SORCS3: variants seen among roughly 807,000 people sequenced by gnomAD.
The protein encoded by SORCS3 is sortilin related VPS10 domain containing receptor 3.
In SORCS3, 57 loss-of-function variants were observed where a neutral mutation model predicts 146.3. The observed-to-expected ratio is 0.39, with a 90% confidence interval of 0.31 to 0.49. The LOEUF is 0.49. Among genes scored for constraint, SORCS3 ranks in the 20% least tolerant of loss-of-function variants. The pLI is 0.92. For synonymous variants in SORCS3, 653 were observed against 618.5 expected, an observed-to-expected ratio of 1.06 and a Z score of -0.83; for missense variants, 1,341 against 1,575.5, an observed-to-expected ratio of 0.85 and a Z score of 2.52.
intron 6 of SORCS3, among the ~76,000 whole-genome samples, chr10:105,104,657 G>C (rs1297195454): frequency 4.6e-5 from 7 of 152,162 alleles, no homozygotes; most frequent in Admixed American, 1.3e-4. Flanking sequence ...CTTGAATTCT[G>C]TCTACTTCCT....
At chr10:105,102,798 T>TC (rs2055794767) in intron 6 of SORCS3, among the ~76,000 whole-genome samples, 2 of 145,026 alleles carry the variant, frequency 1.4e-5, no homozygotes, top group Non-Finnish European at 3.0e-5. Context: ...TTTTTTTTTT[T>TC]TTTTTTTTGT....
chr10:104,725,309 A>G (rs546589160), intron 1 of SORCS3, among the ~76,000 whole-genome samples: 24 of 152,278 alleles, frequency 1.6e-4, no homozygotes, highest in African/African-American at 5.5e-4. Flanking sequence ...TGAATAGCAA[A>G]TGTTGCTGCC....
At chr10:105,151,519 T>G (rs1217189434) in intron 9 of SORCS3, among the ~76,000 whole-genome samples, 2 of 152,166 alleles carry the variant, frequency 1.3e-5, no homozygotes, top group African/African-American at 4.8e-5. Flanking sequence ...TGTCTTTAGG[T>G]AATTTTCAGA....
intron 1 of SORCS3, among the ~76,000 whole-genome samples, chr10:104,705,154 G>GAC: frequency 6.6e-6 from 1 of 151,336 alleles, no homozygotes; most frequent in Non-Finnish European, 1.5e-5. Context: ...TAATGCCCTG[G>GAC]ACATATTATT....
chr10:105,038,988 A>G (rs1332586550), intron 4 of SORCS3, among the ~76,000 whole-genome samples: 4 of 152,212 alleles, frequency 2.6e-5, no homozygotes, highest in Non-Finnish European at 5.9e-5. Context: ...TGCAGAGATA[A>G]CTAATATCAA....
chr10:104,864,810 C>G (rs1239559874), intron 2 of SORCS3, among the ~76,000 whole-genome samples: 1 of 152,190 alleles, frequency 6.6e-6, no homozygotes, highest in Non-Finnish European at 1.5e-5. Context: ...TTCTTTCAAT[C>G]TCTAGAACAA....
chr10:105,035,238 A>G (rs889821797), intron 4 of SORCS3, among the ~76,000 whole-genome samples: 3 of 152,206 alleles, frequency 2.0e-5, no homozygotes, highest in Non-Finnish European at 4.4e-5. Context: ...TATAGAACAG[A>G]TTACAAAATA....
intron 5 of SORCS3, among the ~76,000 whole-genome samples, chr10:105,079,082 T>A (rs1341091338): frequency 6.6e-6 from 1 of 152,176 alleles, no homozygotes; most frequent in Admixed American, 6.5e-5. Context: ...TTGACCATCA[T>A]CATCATGTCA....
intron 1 of SORCS3, among the ~76,000 whole-genome samples, chr10:104,825,692 G>T (rs1170730848): frequency 6.6e-6 from 1 of 152,162 alleles, no homozygotes; most frequent in East Asian, 1.9e-4. Context: ...GTTATTATGG[G>T]ATATAGAAAT....
intron 1 of SORCS3, among the ~76,000 whole-genome samples, chr10:104,722,678 G>T (rs931948357): frequency 4.6e-5 from 7 of 152,230 alleles, no homozygotes; most frequent in African/African-American, 1.7e-4. Context: ...TCTATTCAGA[G>T]ATTCAGCTTC....
chr10:105,165,246 T>A (rs2056302715), intron 12 of SORCS3, among the ~76,000 whole-genome samples: 1 of 151,842 alleles, frequency 6.6e-6, no homozygotes, highest in South Asian at 2.1e-4. Flanking sequence ...TAATTCAGGG[T>A]GATAATAATA....
chr10:104,768,708 A>G (rs1387827), intron 1 of SORCS3, among the ~76,000 whole-genome samples: 107,328 of 151,982 alleles, frequency 0.71, 38,101 homozygotes, highest in East Asian at 0.92. Flanking sequence ...TTTTCTCTTC[A>G]GAAGCTTCAC....
At chr10:105,210,765 G>T (rs2056628710) in intron 16 of SORCS3, among the ~76,000 whole-genome samples, 1 of 152,152 alleles carries the variant, frequency 6.6e-6, no homozygotes, top group Admixed American at 6.5e-5. Flanking sequence ...GTGAGTCATT[G>T]TCTTTGTTGT....
At chr10:105,012,116 A>C (rs935760768) in intron 4 of SORCS3, among the ~76,000 whole-genome samples, 1 of 152,166 alleles carries the variant, frequency 6.6e-6, no homozygotes, top group African/African-American at 2.4e-5. Context: ...CACAGCATTG[A>C]CATCTAGAGC....
At chr10:104,908,052 G>A (rs1390731285) in intron 2 of SORCS3, among the ~76,000 whole-genome samples, 1 of 152,190 alleles carries the variant, frequency 6.6e-6, no homozygotes, top group Non-Finnish European at 1.5e-5. Context: ...CTGTGCTGTG[G>A]GAACTCCTGA....
intron 3 of SORCS3, among the ~76,000 whole-genome samples, chr10:104,960,474 C>A (rs139518381): frequency 2.0e-4 from 31 of 152,102 alleles, no homozygotes; most frequent in Non-Finnish European, 4.0e-4. Context: ...CTGGTGGGGA[C>A]CCTAAGCAGA....
At position 105,149,117 on chromosome 10, in the gene SORCS3, G is replaced by A. The variant is rs1488397418; in HGVS notation, c.1482+1321G>A. Among the ~76,000 whole-genome samples, 91 of 152,174 alleles carry A rather than the reference G, an allele frequency of 6.0e-4. 1 individual carries two copies. Among genetic ancestry groups the A allele is most frequent in the African/African-American group, 4.8e-5 (2 of 41,530 alleles). On this transcript the variant is annotated intron_variant, in intron 9 of 26. Coordinates refer to ENST00000369701, the MANE Select transcript of SORCS3 (RefSeq NM_014978.3). ...TTTCCTGAGACTTTCCCAGCCATGC[G>A]GAACTGTGAGTCAATCAAACCTCTT...
intron 11 of SORCS3, among the ~76,000 whole-genome samples, chr10:105,162,134 G>T (rs987954798): frequency 2.6e-5 from 4 of 152,162 alleles, no homozygotes; most frequent in African/African-American, 9.7e-5. Flanking sequence ...AGCCCTCAGA[G>T]GACTTCAATA....
At chr10:104,909,994 A>G (rs540917054) in intron 2 of SORCS3, among the ~76,000 whole-genome samples, 6 of 152,246 alleles carry the variant, frequency 3.9e-5, no homozygotes, top group African/African-American at 1.4e-4. Flanking sequence ...GGTTCCTCCC[A>G]CAATGTACCA....
Sources: allele counts gnomAD v4.1 joint callset (sites outside exome capture counted in the v4.1 genomes callset), GRCh38; gene constraint gnomAD v4.1.1; transcripts MANE v1.5; gene names NCBI Gene and HGNC (gene_info 2026-07-23, HGNC 2026-07-21).